Variants in TFDP1 observed in about 807,000 individuals in gnomAD.
TFDP1 encodes the protein DRTF1-polypeptide 1.
TFDP1 carries 6 observed loss-of-function variants against 48.0 expected under a neutral mutation model. The observed-to-expected ratio is 0.13, with a 90% CI of 0.07 to 0.25. The LOEUF is 0.25. TFDP1 is among the 10% of genes least tolerant of loss of function. TFDP1 has a pLI of 1.00. For missense variants in TFDP1, 335 were observed against 543.0 expected, an observed-to-expected ratio of 0.62 and a Z score of 3.81; for synonymous variants, 201 against 211.6, an observed-to-expected ratio of 0.95 and a Z score of 0.44.
intron 4 of TFDP1, among the ~76,000 whole-genome samples, 189 bp from the exon 5 acceptor site, chr13:113,631,434 G>T (rs1380497464): frequency 6.6e-6 from 1 of 152,172 alleles, no homozygotes; most frequent in African/African-American, 2.4e-5. Context: ...GCCACATTCA[G>T]AACCGGTGGG....
At chr13:113,637,021 T>A in intron 10 of TFDP1, 1 of 247,090 alleles carries the variant, frequency 4.0e-6, no homozygotes, top group Non-Finnish European at 7.8e-6. Flanking sequence ...AAGTTGAGAT[T>A]CTTTGAGAAG....
Position 113,624,408 on chromosome 13 carries a change from CCAGGTGTCCTCACGTGTCTCT to C in TFDP1, c.186+1135_186+1155del, listed in dbSNP as rs541998984. ...GTCCCCAAGTATCTCTCAGGCATCC[CCAGGTGTCCTCACGTGTCTCT>C]CAGGTGTCCTCAGGTATCTCTCACA... is the stretch of plus-strand genomic sequence containing the variant. On this transcript the variant is annotated intron_variant, in intron 4 of 11. Transcript: ENST00000375370. 2.6e-4 allele frequency among the ~76,000 whole-genome samples: 39 copies of C among 151,202 alleles called. No individual in the cohort carries two copies. In the East Asian group the frequency reaches 7.5e-3, roughly 29 times the overall value.
Position 113,611,151 on chromosome 13 carries a change from G to T in TFDP1, c.79+89G>T. ...GAAGCTGTTGACGCTGAAGCCTCTTGCTAATGATGGCATCTCCTGCATGGG... is the reference window on the plus strand; with the variant it reads ...GAAGCTGTTGACGCTGAAGCCTCTTTCTAATGATGGCATCTCCTGCATGGG... On this transcript the variant is annotated intron_variant, in intron 3 of 11. Coordinates refer to ENST00000375370, the MANE Select transcript of TFDP1 (RefSeq NM_007111.5). 7 of 1,282,056 alleles carry T rather than the reference G, an allele frequency of 5.5e-6. 1 individual carries two copies. In the South Asian group the frequency reaches 8.6e-5, roughly 16 times the overall value. The allele number at this position is 1,282,056 out of a possible 1,614,324, so 79.4% of individuals were successfully genotyped here. A position where few individuals can be genotyped will look rare whatever the true frequency, so the allele number is the denominator to read the frequency against.
At chr13:113,610,000 C>T (rs1180836651) in intron 2 of TFDP1, among the ~76,000 whole-genome samples, 4 of 152,228 alleles carry the variant, frequency 2.6e-5, no homozygotes, top group Non-Finnish European at 1.5e-5. Context: ...TTTGTTGGGA[C>T]TAGGAAGAGA....
At position 113,607,997 on chromosome 13, in the gene TFDP1, G is replaced by A. The variant is rs561325840; in HGVS notation, c.13-2999G>A. Among the ~76,000 whole-genome samples the A allele has an allele frequency of 1.4e-4, 22 of 152,326 alleles. No individual in the cohort carries two copies. The highest frequency in any genetic ancestry group is 2.6e-4 in the Non-Finnish European group (18 of 68,030). On this transcript the variant is annotated intron_variant, in intron 2 of 11. Transcript: ENST00000375370. This position sits in a 1 kb window ranked among gnomAD's most constrained non-coding sequence, Gnocchi z 5.2. ...ATGAGGAGTGTTTTCTGTGAGCAGC[G>A]GTGGAACATTTACAGACACGAGCGT...
intron 2 of TFDP1, among the ~76,000 whole-genome samples, chr13:113,597,245 AG>A (rs1468640842): frequency 6.6e-6 from 1 of 152,270 alleles, no homozygotes; most frequent in Non-Finnish European, 1.5e-5. Flanking sequence ...AAGAGAAATT[AG>A]ATTAACATAT....
chr13:113,591,146 A>C (rs1026339114), intron 2 of TFDP1, among the ~76,000 whole-genome samples: 4 of 151,868 alleles, frequency 2.6e-5, no homozygotes, highest in Non-Finnish European at 5.9e-5. Flanking sequence ...GTTCGAGACC[A>C]GTCTGGCCAA....
intron 3 of TFDP1, among the ~76,000 whole-genome samples, chr13:113,615,746 A>T (rs2048840751): frequency 6.6e-6 from 1 of 152,282 alleles, no homozygotes; most frequent in Non-Finnish European, 1.5e-5. Context: ...TCTATAAAAA[A>T]TTTTAAAAAA....
chr13:113,593,674 G>T lies in TFDP1; in HGVS notation c.12+7825G>T, dbSNP rs1342493367. On this transcript the variant is annotated intron_variant, in intron 2 of 11. Transcript: ENST00000375370. ...CAGGTGACAGGTGTGGTGTACACGG[G>T]TCCTCAGCTGTGCCCAGGTGACAGG... Among the ~76,000 whole-genome samples, 8 of 137,996 alleles carry T rather than the reference G, an allele frequency of 5.8e-5. 1 individual carries two copies. The East Asian group carries it at 1.8e-3, about 32-fold the overall frequency. 90.5% of individuals were successfully genotyped at this position (137,996 alleles called of 152,430 possible). A position where few individuals can be genotyped will look rare whatever the true frequency, so the allele number is the denominator to read the frequency against.
Position 113,601,501 on chromosome 13 carries a change from C to T in TFDP1, c.13-9495C>T, listed in dbSNP as rs190488743. On this transcript the variant is annotated intron_variant, in intron 2 of 11. Coordinates refer to ENST00000375370, the MANE Select transcript of TFDP1 (RefSeq NM_007111.5). ...TGAGGCCACCCTCACCCTCACCAGG[C>T]TCTGGTGCTTGGTGGGAGCAGGGCA... 2.4e-3 allele frequency among the ~76,000 whole-genome samples: 371 copies of T among 152,294 alleles called. 1 individual carries two copies. Among genetic ancestry groups the T allele is most frequent in the African/African-American group, 8.6e-3 (359 of 41,572 alleles).
chr13:113,611,169 T>G, intron 3 of TFDP1, 107 bp downstream of exon 3: 1 of 1,124,940 alleles, frequency 8.9e-7, no homozygotes, highest in Non-Finnish European at 1.3e-6. Flanking sequence ...TGGCATCTCC[T>G]GCATGGGCAC....
At chr13:113,617,673 C>CTCACCTGCAGAGCT (rs2048896935) in intron 3 of TFDP1, among the ~76,000 whole-genome samples, 4 of 77,716 alleles carry the variant, frequency 5.1e-5, no homozygotes, top group East Asian at 3.5e-4. Context: ...CCTGCAGAGC[C>CTCACCTGCAGAGCT]GCTCACCTGC....
intron 11 of TFDP1, 53 bp from the exon 12 acceptor site, chr13:113,640,067 G>T (rs2049603357): frequency 1.5e-6 from 2 of 1,363,426 alleles, no homozygotes; most frequent in African/African-American, 1.5e-5. Context: ...GAGGCGGGGG[G>T]AGGCTGGGTG....
intron 2 of TFDP1, among the ~76,000 whole-genome samples, chr13:113,589,673 C>T (rs117629057): frequency 0.01 from 1,542 of 152,324 alleles, 15 homozygotes; most frequent in Middle Eastern, 0.037. Flanking sequence ...TGCTCGGAAC[C>T]GTCCTCAGAT....
chr13:113,631,908 G>A, intron 5 of TFDP1, 164 bp downstream of exon 5: 1 of 985,500 alleles, frequency 1.0e-6, no homozygotes, highest in Non-Finnish European at 1.4e-6. Flanking sequence ...CTGCACAGGT[G>A]TGCAGCCGAG....
chr13:113,606,887 G>A (rs556758058), intron 2 of TFDP1, among the ~76,000 whole-genome samples: 192 of 152,254 alleles, frequency 1.3e-3, no homozygotes, highest in African/African-American at 4.2e-3. Flanking sequence ...GGAACCCACC[G>A]TGTGGTTTCC....
Position 113,633,051 on chromosome 13 carries a change from G to C in TFDP1, c.309-69G>C, listed in dbSNP as rs977114020. On this transcript the variant is annotated intron_variant, in intron 5 of 11. Transcript: ENST00000375370. The surrounding 1 kb of genome is among the most constrained non-coding windows in gnomAD (Gnocchi z 4.5). ...AGCTCATTAGAGCTCTCAGGTAAAA[G>C]CATTCCTCGATTCAGGCTGATCCTC... 1.3e-6 allele frequency: 2 copies of C among 1,591,508 alleles called. No homozygotes were observed. The highest frequency in any genetic ancestry group is 2.7e-5 in the African/African-American group (2 of 73,750).
chr13:113,612,881 G>A (rs1160270776), intron 3 of TFDP1, among the ~76,000 whole-genome samples: 1 of 152,154 alleles, frequency 6.6e-6, no homozygotes, highest in Non-Finnish European at 1.5e-5. Context: ...CCCTCAGCTC[G>A]CCCCGCGTGC....
rs1330948533 is a variant in TFDP1, at chr13:113,633,330, G to A, written c.474+45G>A. ...CGAGAGGCTGGGGTGGCGGAGCCCA[G>A]CGGTGTGGTACGTTTCGCTCTTTTA... On this transcript the variant is annotated intron_variant, in intron 6 of 11. Coordinates refer to ENST00000375370, the MANE Select transcript of TFDP1 (RefSeq NM_007111.5). The surrounding 1 kb of genome is among the most constrained non-coding windows in gnomAD (Gnocchi z 4.5). 9 of 1,516,554 alleles carry A rather than the reference G, an allele frequency of 5.9e-6. No homozygotes were observed. The highest frequency in any genetic ancestry group is 8.2e-6 in the Non-Finnish European group (9 of 1,098,404). The allele number at this position is 1,516,554 out of a possible 1,614,324, so 93.9% of individuals were successfully genotyped here. A position where few individuals can be genotyped will look rare whatever the true frequency, so the allele number is the denominator to read the frequency against.
Sources: allele counts gnomAD v4.1 joint callset (sites outside exome capture counted in the v4.1 genomes callset), GRCh38; gene constraint gnomAD v4.1.1; non-coding constraint Gnocchi (gnomAD v3.1); transcripts MANE v1.5; gene names NCBI Gene and HGNC (gene_info 2026-07-23, HGNC 2026-07-21).